The following TANK variants were observed in gnomAD, a reference collection of about 807,000 sequenced individuals.
The protein encoded by TANK is TRAF family member-associated NF-kappa-B activator.
In TANK, 15 loss-of-function variants were observed where a neutral mutation model predicts 43.6. That is an observed-to-expected ratio of 0.34 (90% CI 0.23 to 0.53). The LOEUF (loss-of-function observed/expected upper bound fraction) is 0.53. Among genes scored for constraint, TANK ranks in the 20% least tolerant of loss-of-function variants. TANK has a pLI of 0.94. For missense variants in TANK, 417 were observed against 498.6 expected (o/e 0.84, Z 1.56); for synonymous variants, 162 against 178.2 (o/e 0.91, Z 0.73).
At position 161,231,123 on chromosome 2, in the gene TANK, T is replaced by G. The variant is rs1445360788; in HGVS notation, c.673T>G (p.Ser225Ala). 1 of 1,614,020 alleles carries G rather than the reference T, an allele frequency of 6.2e-7. No homozygotes were observed. The highest frequency in any genetic ancestry group is 8.5e-7 in the Non-Finnish European group (1 of 1,180,030). ...ACTGTGCAGAGATGAGGAAGACACCTCTTTTGAATCACTTTCTAAATTCAA... is the reference window on the plus strand; with the variant it reads ...ACTGTGCAGAGATGAGGAAGACACCGCTTTTGAATCACTTTCTAAATTCAA... ...RGLCRDEEDT[S>A]FESLSKFNVK... is the part of the protein sequence containing the mutation. The change falls in exon 7 of 8, where the codon TCT becomes GCT. Residue 225 changes from serine to alanine, a missense_variant. Ser to Ala is a moderately conservative substitution (Grantham distance 99). Coordinates refer to ENST00000392749, the MANE Select transcript of TANK (RefSeq NM_001199135.3).
chr2:161,199,857 A>T (rs758998764), intron 2 of TANK, among the ~76,000 whole-genome samples: 8 of 152,218 alleles, frequency 5.3e-5, no homozygotes, highest in Non-Finnish European at 8.8e-5. Context: ...CAGCCTGGGC[A>T]GCATAGTAAG....
In TANK at chr2:161,195,879, G is replaced by A. The variant is rs188555568; in HGVS notation, c.100-7608G>A. 2.2e-4 allele frequency among the ~76,000 whole-genome samples: 34 copies of A among 152,254 alleles called. No individual in the cohort carries two copies. In the East Asian group the frequency reaches 5.0e-3, roughly 22 times the overall value. ...GCAGGCAGATCACTTGAGGTCAGGA[G>A]TTCAAGACCAGCCTGGCCAACATGG... On this transcript the variant is annotated intron_variant, in intron 2 of 7. Transcript: ENST00000392749.
intron 1 of TANK, chr2:161,161,332 A>G (rs749587065): frequency 1.3e-6 from 2 of 1,550,738 alleles, no homozygotes; most frequent in South Asian, 1.2e-5. Flanking sequence ...TAGTAAAGGA[A>G]GTGAAGAAGC....
At chr2:161,167,682 G>A (rs1279687819) in intron 1 of TANK, among the ~76,000 whole-genome samples, 1 of 152,066 alleles carries the variant, frequency 6.6e-6, no homozygotes, top group African/African-American at 2.4e-5. Context: ...GAGTGCAGTG[G>A]CGCGATCTTG....
chr2:161,176,939 G>C (rs1685198233), intron 1 of TANK, among the ~76,000 whole-genome samples: 1 of 152,064 alleles, frequency 6.6e-6, no homozygotes, highest in South Asian at 2.1e-4. Context: ...GTTTATTATA[G>C]TATATTATAG....
At chr2:161,204,581 T>C in intron 3 of TANK, 94 bp from the exon 4 acceptor site, 2 of 1,154,984 alleles carry the variant, frequency 1.7e-6, no homozygotes, top group South Asian at 2.8e-5. Context: ...ATGTATTCTC[T>C]TTATGGTTTT....
chr2:161,178,734 G>C (rs1056988299), intron 1 of TANK, among the ~76,000 whole-genome samples: 4 of 152,104 alleles, frequency 2.6e-5, no homozygotes, highest in Non-Finnish European at 4.4e-5. Context: ...TGTTATGACA[G>C]ATTAGAGACT....
chr2:161,167,619 T>A (rs1684744559), intron 1 of TANK, among the ~76,000 whole-genome samples: 2 of 151,838 alleles, frequency 1.3e-5, no homozygotes, highest in African/African-American at 4.8e-5. Context: ...TTTGTTTGTT[T>A]GTTTGTTTGT....
intron 1 of TANK, among the ~76,000 whole-genome samples, chr2:161,178,042 T>C (rs959385152): frequency 6.6e-6 from 1 of 152,050 alleles, no homozygotes; most frequent in African/African-American, 2.4e-5. Context: ...TGTGGAGAAA[T>C]TGGAACCCTT....
chr2:161,228,774 AC>A (rs1424929469), intron 6 of TANK, among the ~76,000 whole-genome samples: 1 of 152,104 alleles, frequency 6.6e-6, no homozygotes, highest in Non-Finnish European at 1.5e-5. Flanking sequence ...ATACAGGCAT[AC>A]CCATTTTTTA....
intron 1 of TANK, among the ~76,000 whole-genome samples, chr2:161,172,840 C>T (rs1382074229): frequency 6.6e-6 from 1 of 152,124 alleles, no homozygotes; most frequent in Non-Finnish European, 1.5e-5. Flanking sequence ...TCTTGAAATG[C>T]CTCTTGAATC....
intron 1 of TANK, among the ~76,000 whole-genome samples, chr2:161,176,009 C>G (rs1308131167): frequency 6.6e-6 from 1 of 151,976 alleles, no homozygotes; most frequent in Non-Finnish European, 1.5e-5. Context: ...AAAGCAAAAC[C>G]CTAACTAGGA....
intron 1 of TANK, among the ~76,000 whole-genome samples, chr2:161,140,609 T>G (rs1683719190): frequency 6.6e-6 from 1 of 152,108 alleles, no homozygotes; most frequent in African/African-American, 2.4e-5. Flanking sequence ...ACTATTTTAG[T>G]TTTCTAAGTT....
intron 2 of TANK, among the ~76,000 whole-genome samples, chr2:161,191,768 C>T (rs1685926193): frequency 6.6e-6 from 1 of 152,010 alleles, no homozygotes; most frequent in South Asian, 2.1e-4. Flanking sequence ...CTGACAATAC[C>T]TTGTACTACC....
chr2:161,142,061 G>C (rs1204054831), intron 1 of TANK, among the ~76,000 whole-genome samples: 2 of 152,144 alleles, frequency 1.3e-5, no homozygotes, highest in South Asian at 2.1e-4. Context: ...GGTTTGATTT[G>C]CATTTCTCTA....
At chr2:161,185,008 A>G (rs1374558704) in intron 2 of TANK, among the ~76,000 whole-genome samples, 1 of 152,156 alleles carries the variant, frequency 6.6e-6, no homozygotes, top group Admixed American at 6.6e-5. Context: ...GGAGATGGAG[A>G]AGGAAGGGAA....
intron 4 of TANK, among the ~76,000 whole-genome samples, chr2:161,215,721 C>T (rs1408144538): frequency 1.3e-5 from 2 of 152,078 alleles, no homozygotes; most frequent in Admixed American, 1.3e-4. Flanking sequence ...TTCTTAGTTC[C>T]TTCTAAGATA....
chr2:161,212,250 G>T (rs569956459), intron 4 of TANK: 35 of 436,644 alleles, frequency 8.0e-5, no homozygotes, highest in Non-Finnish European at 1.1e-4. Flanking sequence ...TAGTAGAGAC[G>T]GGGTTTCACT....
chr2:161,199,797 A>G (rs949658263), intron 2 of TANK, among the ~76,000 whole-genome samples: 3 of 152,196 alleles, frequency 2.0e-5, no homozygotes, highest in African/African-American at 4.8e-5. Context: ...TAATCCCAGC[A>G]CTTTGGGAGG....
Sources: allele counts gnomAD v4.1 joint callset (sites outside exome capture counted in the v4.1 genomes callset), GRCh38; gene constraint gnomAD v4.1.1; transcripts MANE v1.5; gene names NCBI Gene and HGNC (gene_info 2026-07-23, HGNC 2026-07-21).